Variants in ANXA8 observed in about 807,000 individuals in gnomAD.
ANXA8 encodes the protein annexin A8, also known as VAC-beta.
A neutral mutation model predicts 26.8 loss-of-function variants in ANXA8; 9 were observed. The observed-to-expected ratio is 0.34, with a 90% CI of 0.20 to 0.59. The LOEUF is 0.59. Among genes scored for constraint, ANXA8 ranks in the 20% least tolerant of loss-of-function variants. ANXA8 has a pLI of 0.84. For missense variants in ANXA8, 83 were observed against 238.5 expected (o/e 0.35, Z 4.29); for synonymous variants, 39 against 94.8 (o/e 0.41, Z 3.42).
At chr10:47,717,785 G>A in the ANXA8 span, among the ~76,000 whole-genome samples, 1 of 151,336 alleles carries the variant, frequency 6.6e-6, no homozygotes, top group Non-Finnish European at 1.5e-5. Flanking sequence ...ATCATTTGAG[G>A]TCAGGAGTTT....
At chr10:47,645,627 G>A in the ANXA8 span, among the ~76,000 whole-genome samples, 1 of 151,660 alleles carries the variant, frequency 6.6e-6, no homozygotes, top group South Asian at 2.1e-4. Flanking sequence ...AGACCTCCCT[G>A]TGATGAGTAA....
the ANXA8 span, among the ~76,000 whole-genome samples, chr10:47,659,462 C>T: frequency 6.6e-6 from 1 of 151,454 alleles, no homozygotes; most frequent in Admixed American, 6.6e-5. Context: ...GGCGGATCAC[C>T]TGAGGTCAGG....
At chr10:47,755,157 A>C in the ANXA8 span, among the ~76,000 whole-genome samples, 1 of 151,320 alleles carries the variant, frequency 6.6e-6, no homozygotes, top group African/African-American at 2.4e-5. Flanking sequence ...GAATTTTACT[A>C]TGTTGGCCAG....
the ANXA8 span, among the ~76,000 whole-genome samples, chr10:47,603,367 A>G: frequency 2.0e-5 from 3 of 150,080 alleles, no homozygotes; most frequent in South Asian, 2.1e-4. Context: ...ATTTTTCTAG[A>G]AAGCCAGGCA....
At chr10:47,918,378 A>G in the ANXA8 span, among the ~76,000 whole-genome samples, 10 of 16,814 alleles carry the variant, frequency 5.9e-4, 2 homozygotes, top group Non-Finnish European at 1.1e-3. Context: ...AGAGAGAGAG[A>G]GAGAGAGAAA....
At chr10:47,989,734 C>G in the ANXA8 span, among the ~76,000 whole-genome samples, 1 of 94,856 alleles carries the variant, frequency 1.1e-5, no homozygotes, top group African/African-American at 3.2e-5. Flanking sequence ...GCTGCCACGC[C>G]TTGGCCTTCC....
chr10:47,557,262 G>A, the ANXA8 span, among the ~76,000 whole-genome samples: 1 of 147,394 alleles, frequency 6.8e-6, no homozygotes, highest in Non-Finnish European at 1.5e-5. Context: ...GCCCGCCTCA[G>A]CCTCCCAAAG....
chr10:47,628,317 A>AC, the ANXA8 span, among the ~76,000 whole-genome samples: 74 of 152,198 alleles, frequency 4.9e-4, no homozygotes, highest in Non-Finnish European at 9.4e-4. Context: ...GAAGAAACAT[A>AC]CTAATATGAA....
chr10:47,900,659 T>C, the ANXA8 span, among the ~76,000 whole-genome samples: 7 of 120,556 alleles, frequency 5.8e-5, no homozygotes, highest in Non-Finnish European at 1.0e-4. Flanking sequence ...ATTATCTTGA[T>C]AAAATGGTTT....
chr10:47,896,187 A>G, the ANXA8 span, among the ~76,000 whole-genome samples: 3 of 150,010 alleles, frequency 2.0e-5, no homozygotes, highest in South Asian at 2.1e-4. Flanking sequence ...AATGCCCTGA[A>G]GATGATAAGC....
At chr10:47,581,492 G>A in the ANXA8 span, 2 of 555,138 alleles carry the variant, frequency 3.6e-6, no homozygotes, top group South Asian at 2.8e-5. Context: ...CCATTGTGAA[G>A]CTGTGTTTCC....
chr10:47,503,806 T>C, the ANXA8 span, among the ~76,000 whole-genome samples: 2 of 127,392 alleles, frequency 1.6e-5, no homozygotes, highest in African/African-American at 6.4e-5. Context: ...TGGTGGCACA[T>C]GCCTGTAATT....
chr10:47,971,023 A>C, the ANXA8 span, among the ~76,000 whole-genome samples: 1 of 151,394 alleles, frequency 6.6e-6, no homozygotes, highest in Non-Finnish European at 1.5e-5. Flanking sequence ...TGGCTCTGCC[A>C]CCTTCGTGCT....
At chr10:47,899,051 G>C in the ANXA8 span, among the ~76,000 whole-genome samples, 349 of 151,022 alleles carry the variant, frequency 2.3e-3, no homozygotes, top group African/African-American at 7.9e-3. Context: ...TTGGCCAGGT[G>C]GGTCTTGAGC....
chr10:47,668,219 C>T, the ANXA8 span, among the ~76,000 whole-genome samples: 44 of 151,322 alleles, frequency 2.9e-4, no homozygotes, highest in African/African-American at 1.1e-3. Context: ...CTCTTTGATT[C>T]CTTATTCTTT....
chr10:47,597,348 A>G, the ANXA8 span, among the ~76,000 whole-genome samples: 2 of 149,326 alleles, frequency 1.3e-5, no homozygotes, highest in Middle Eastern at 3.5e-3. Flanking sequence ...AATAAGAACA[A>G]GACAAGAATA....
At chr10:47,744,439 A>AGGG in the ANXA8 span, among the ~76,000 whole-genome samples, 1 of 23,794 alleles carries the variant, frequency 4.2e-5, no homozygotes, top group Non-Finnish European at 7.3e-5. Context: ...GGAGGGGGGA[A>AGGG]GAGGGGGGGC....
At chr10:47,498,404 G>C in the ANXA8 span, among the ~76,000 whole-genome samples, 1 of 142,594 alleles carries the variant, frequency 7.0e-6, no homozygotes, top group Non-Finnish European at 1.5e-5. Flanking sequence ...TCTGCCTATG[G>C]ACAACTAGGC....
At chr10:47,632,102 C>T in the ANXA8 span, among the ~76,000 whole-genome samples, 2 of 152,246 alleles carry the variant, frequency 1.3e-5, no homozygotes, top group Admixed American at 6.5e-5. Flanking sequence ...AAGTTGAATA[C>T]TTTTAAGAAC....
Sources: gnomAD v4.1 joint callset for allele counts (sites outside exome capture counted in the v4.1 genomes callset) on GRCh38, gnomAD v4.1.1 for gene constraint, MANE v1.5 for transcripts, NCBI Gene and HGNC (gene_info 2026-07-23, HGNC 2026-07-21) for gene names.